Variants in GLRA2 observed in about 807,000 individuals in gnomAD.
The protein encoded by GLRA2 is glycine receptor alpha 2.
Under a neutral mutation model 31.6 loss-of-function variants are expected in GLRA2, and 11 were observed. That is an observed-to-expected ratio of 0.35 (90% CI 0.22 to 0.58). The LOEUF is 0.58. GLRA2 is among the 20% of genes least tolerant of loss of function. The pLI is 0.84. For synonymous variants in GLRA2, 132 were observed against 134.0 expected, an observed-to-expected ratio of 0.99 and a Z score of 0.10; for missense variants, 212 against 351.8, an observed-to-expected ratio of 0.60 and a Z score of 3.18.
chrX:14,684,492 T>C (rs1183656408), intron 7 of GLRA2, among the ~76,000 whole-genome samples: 1 of 111,667 alleles, frequency 9.0e-6, no homozygotes, highest in Non-Finnish European at 1.9e-5. Flanking sequence ...TTTTATTTCA[T>C]TGAGCAGTGG....
At chrX:14,499,040 C>G in the GLRA2 span, among the ~76,000 whole-genome samples, 2 of 112,127 alleles carry the variant, frequency 1.8e-5, no homozygotes, top group African/African-American at 6.5e-5. Context: ...AATTCCATAT[C>G]TTGGCTATTA....
At chrX:14,683,095 T>G (rs1458097055) in intron 7 of GLRA2, among the ~76,000 whole-genome samples, 1 of 111,888 alleles carries the variant, frequency 8.9e-6, no homozygotes, top group African/African-American at 3.2e-5. Context: ...CAAATGGTAT[T>G]TCTAGTTCTA....
rs1367537724 is a variant in GLRA2, at chrX:14,611,539, A to C, written c.930+2334A>C. The stretch of plus-strand genomic sequence containing the variant: ...AGTTTTCTTTTTTGCTTTTGTAAGT[A>C]TGATAATTATAAATACATTTGCATA... On this transcript the variant is annotated intron_variant, in intron 7 of 8. Coordinates refer to ENST00000218075, the MANE Select transcript of GLRA2 (RefSeq NM_002063.4). 2.7e-5 allele frequency among the ~76,000 whole-genome samples: 3 copies of C among 112,988 alleles called. No individual in the cohort carries two copies. In the South Asian group the frequency reaches 1.1e-3, roughly 40 times the overall value.
chrX:14,628,519 A>G (rs1381939005), intron 7 of GLRA2, among the ~76,000 whole-genome samples: 1 of 111,973 alleles, frequency 8.9e-6, no homozygotes, highest in Non-Finnish European at 1.9e-5. Context: ...AGCACAAATT[A>G]ATAGATAATG....
At chrX:14,613,152 G>T (rs2090418400) in intron 7 of GLRA2, among the ~76,000 whole-genome samples, 1 of 111,159 alleles carries the variant, frequency 9.0e-6, no homozygotes, top group African/African-American at 3.3e-5. Context: ...TATATAAATT[G>T]TTTAGCCCAG....
At chrX:14,475,406 T>A in the GLRA2 span, among the ~76,000 whole-genome samples, 1 of 112,392 alleles carries the variant, frequency 8.9e-6, no homozygotes, top group African/African-American at 3.2e-5. Context: ...GTTAAATTTT[T>A]GTTATTAACA....
chrX:14,527,345 G>T (rs916916254), upstream of GLRA2, among the ~76,000 whole-genome samples: 3 of 111,878 alleles, frequency 2.7e-5, no homozygotes, highest in African/African-American at 9.7e-5. Flanking sequence ...GGCTGGGCGC[G>T]GTGGCTCACG....
At chrX:14,587,932 A>G (rs1442837436) in intron 4 of GLRA2, among the ~76,000 whole-genome samples, 2 of 108,193 alleles carry the variant, frequency 1.8e-5, no homozygotes, top group Non-Finnish European at 3.8e-5. Context: ...TTTTGAGACA[A>G]CATCTCACTC....
the GLRA2 span, among the ~76,000 whole-genome samples, chrX:14,454,157 A>AACACACACAC: frequency 1.2e-5 from 1 of 83,334 alleles, no homozygotes; most frequent in African/African-American, 4.7e-5. Context: ...TATAGAACTA[A>AACACACACAC]ACACACCCAC....
the GLRA2 span, among the ~76,000 whole-genome samples, chrX:14,451,644 C>CAAAAA: frequency 2.5e-5 from 1 of 40,017 alleles, no homozygotes; most frequent in African/African-American, 1.1e-4. Flanking sequence ...ACTCTGTCTC[C>CAAAAA]AAAAAAAAAA....
chrX:14,685,961 T>G (rs1257540548), intron 7 of GLRA2, among the ~76,000 whole-genome samples: 5 of 112,115 alleles, frequency 4.5e-5, no homozygotes, highest in African/African-American at 1.6e-4. Context: ...TGCTATAAAT[T>G]TCCCTCTACA....
chrX:14,456,898 G>T, the GLRA2 span, among the ~76,000 whole-genome samples: 2 of 111,760 alleles, frequency 1.8e-5, no homozygotes, highest in African/African-American at 6.5e-5. Context: ...TGGATCTTAT[G>T]GTAGTTTTAT....
At chrX:14,668,416 C>A (rs1201400576) in intron 7 of GLRA2, among the ~76,000 whole-genome samples, 1 of 111,992 alleles carries the variant, frequency 8.9e-6, no homozygotes, top group Non-Finnish European at 1.9e-5. Flanking sequence ...ATCATTGGGG[C>A]CCATTTTAGA....
intron 7 of GLRA2, among the ~76,000 whole-genome samples, chrX:14,671,531 G>T (rs370545097): frequency 5.4e-5 from 6 of 110,822 alleles, no homozygotes; most frequent in African/African-American, 2.0e-4. Context: ...TCTTCAGATT[G>T]CCCCAACAAG....
At chrX:14,496,285 A>T in the GLRA2 span, among the ~76,000 whole-genome samples, 6 of 111,792 alleles carry the variant, frequency 5.4e-5, no homozygotes, top group African/African-American at 1.6e-4. Context: ...CTTACCTTGT[A>T]TCTTGAGTTC....
intron 2 of GLRA2, among the ~76,000 whole-genome samples, chrX:14,532,603 G>C (rs932008852): frequency 2.8e-4 from 31 of 111,683 alleles, no homozygotes; most frequent in Non-Finnish European, 2.3e-4. Flanking sequence ...TAAAACTAGT[G>C]TCATAAATTA....
At chrX:14,708,401 C>A (rs2091660790) in intron 8 of GLRA2, among the ~76,000 whole-genome samples, 2 of 111,404 alleles carry the variant, frequency 1.8e-5, no homozygotes, top group Admixed American at 1.9e-4. Flanking sequence ...TAGGAGGGGT[C>A]ATTTGGTTGC....
At chrX:14,474,101 C>A in the GLRA2 span, among the ~76,000 whole-genome samples, 2 of 111,781 alleles carry the variant, frequency 1.8e-5, no homozygotes, top group Admixed American at 9.5e-5. Context: ...TGTGTGTGTA[C>A]AACTACCTTG....
chrX:14,495,326 A>G, the GLRA2 span, among the ~76,000 whole-genome samples: 5 of 111,401 alleles, frequency 4.5e-5, no homozygotes, highest in East Asian at 1.4e-3. Flanking sequence ...TAAACATCGC[A>G]GAAAACTATA....
Sources: gnomAD v4.1 joint callset for allele counts (sites outside exome capture counted in the v4.1 genomes callset) on GRCh38, gnomAD v4.1.1 for gene constraint, MANE v1.5 for transcripts, NCBI Gene and HGNC (gene_info 2026-07-23, HGNC 2026-07-21) for gene names.